CCDC42: variants seen among roughly 807,000 people sequenced by gnomAD.
CCDC42 encodes the protein coiled-coil domain-containing protein 42.
A neutral mutation model predicts 40.8 loss-of-function variants in CCDC42; 38 were observed. That is an observed-to-expected ratio of 0.93 (90% CI 0.72 to 1.22). CCDC42 has a LOEUF of 1.22. Among genes scored for constraint, CCDC42 ranks in the 50% most tolerant of loss-of-function variants. CCDC42 has a pLI of 0.00. For synonymous variants in CCDC42, 135 were observed against 157.5 expected, an observed-to-expected ratio of 0.86 and a Z score of 1.07; for missense variants, 379 against 416.5, an observed-to-expected ratio of 0.91 and a Z score of 0.78.
chr17:8,738,361 G>C (rs1044309312), intron 4 of CCDC42, among the ~76,000 whole-genome samples: 1 of 152,032 alleles, frequency 6.6e-6, no homozygotes, highest in South Asian at 2.1e-4. Context: ...ATGAGCAACA[G>C]GTGTTCAATA....
chr17:8,744,472 G>A (rs1433964845), intron 1 of CCDC42, 55 bp downstream of exon 1: 5 of 1,380,192 alleles, frequency 3.6e-6, no homozygotes, highest in Non-Finnish European at 4.1e-6. Context: ...GTATGGGGTG[G>A]GTGTGAGTGG....
chr17:8,730,402 C>T (rs752921943), intron 6 of CCDC42, among the ~76,000 whole-genome samples, 195 bp from the exon 7 acceptor site: 39 of 152,172 alleles, frequency 2.6e-4, no homozygotes, highest in Non-Finnish European at 3.4e-4. Context: ...TGCAGTGGCA[C>T]GATCTAGGCT....
At chr17:8,738,314 G>T (rs917911930) in intron 4 of CCDC42, among the ~76,000 whole-genome samples, 1 of 152,154 alleles carries the variant, frequency 6.6e-6, no homozygotes, top group Non-Finnish European at 1.5e-5. Flanking sequence ...AAGTGTGGGG[G>T]ATGTGACTAT....
intron 4 of CCDC42, among the ~76,000 whole-genome samples, chr17:8,737,183 G>A (rs890607693): frequency 4.6e-5 from 7 of 152,130 alleles, no homozygotes; most frequent in Middle Eastern, 3.2e-3. Context: ...GACAATTCAC[G>A]TGTGCATTTC....
rs1315164362 is a variant in CCDC42, at chr17:8,735,202, A to G, written c.767T>C (p.Leu256Pro). The G allele has an allele frequency of 3.1e-6, 5 of 1,614,056 alleles. No individual in the cohort carries two copies. The highest frequency in any genetic ancestry group is 4.2e-6 in the Non-Finnish European group (5 of 1,180,032). Residue 256 changes from leucine (L) to proline (P), a missense_variant, in exon 6 of 7, where the codon CTT (leucine) becomes CCT (proline). Physicochemically the swap from Leu to Pro is moderately conservative, Grantham distance 98 (BLOSUM62 -3). Coordinates refer to ENST00000293845, the MANE Select transcript of CCDC42 (RefSeq NM_144681.3). This position sits in a 1 kb window ranked among gnomAD's most constrained non-coding sequence, Gnocchi z 4.7. ...QNTAAKKTLLLGTIKMATLNL... is the reference protein window; with the variant it reads ...QNTAAKKTLLPGTIKMATLNL... ...CAGCGTGGCCATCTTAATGGTGCCA[A>G]GCAGGAGGGTCTTCTTGGCTGCGGT...
Position 8,744,172 on chromosome 17 carries a change from AT to A in CCDC42, c.95del (p.Asn32MetfsTer41). The A allele has an allele frequency of 6.2e-7, 1 of 1,612,744 alleles. No homozygotes were observed. The highest frequency in any genetic ancestry group is 8.5e-7 in the Non-Finnish European group (1 of 1,179,278). ...RLLQMLQKLP[N>X]VEGASESPSI... ...ATGGGGACTCCGACGCCCCCTCAAC[AT>A]TGGGGAGTTTCCTGTCCAAGATGTG... On this transcript the variant is annotated frameshift_variant, in exon 2 of 7. Transcript: ENST00000293845. LOFTEE classifies it high-confidence loss of function.
chr17:8,744,693 T>C lies in CCDC42; in HGVS notation c.-84A>G. 2 of 920,766 alleles carry C rather than the reference T, an allele frequency of 2.2e-6. No homozygotes were observed. The highest frequency in any genetic ancestry group is 2.1e-4 in the Middle Eastern group (1 of 4,776). The allele number at this position is 920,766 out of a possible 1,614,324, so 57.0% of individuals were successfully genotyped here. ...AGAGCCACAGGTGGCTCAGGGGTGG[T>C]GGCTGCACTCTTGTTTCTCCCTTCG... is the stretch of plus-strand genomic sequence containing the variant. On this transcript the variant is annotated 5_prime_UTR_variant, in exon 1 of 7. Coordinates refer to ENST00000293845, the MANE Select transcript of CCDC42 (RefSeq NM_144681.3).
At position 8,735,322 on chromosome 17, in the gene CCDC42, T is replaced by A. The variant is rs2086603587; in HGVS notation, c.714+68A>T. 1.2e-6 allele frequency: 2 copies of A among 1,611,190 alleles called. No homozygotes were observed. The highest frequency in any genetic ancestry group is 3.3e-5 in the Admixed American group (2 of 59,988). The stretch of plus-strand genomic sequence containing the variant: ...GTGTGTGTGTTTGTGTGTATGTGTG[T>A]GTGTGTATGCTCAGGGCCCGCACTC... On this transcript the variant is annotated intron_variant, in intron 5 of 6. Transcript: ENST00000293845. This position sits in a 1 kb window ranked among gnomAD's most constrained non-coding sequence, Gnocchi z 4.7.
Position 8,735,582 on chromosome 17 carries a change from G to C in CCDC42, c.522C>G (p.Arg174=), listed in dbSNP as rs772685088. 1 of 1,614,044 alleles carries C rather than the reference G, an allele frequency of 6.2e-7. No homozygotes were observed. The highest frequency in any genetic ancestry group is 2.2e-5 in the East Asian group (1 of 44,870). ...GGCGCATGCTCACCAGCGTCTTGTA[G>C]CGTGCAATCACCTCATGGATCTCCT... The part of the protein sequence containing the change: ...EFEEIHEVIA[R]YKTLVSMRHD... Residue 174 remains arginine (R), a synonymous_variant, in exon 5 of 7, where the codon CGC becomes CGG. Coordinates refer to ENST00000293845, the MANE Select transcript of CCDC42 (RefSeq NM_144681.3). The surrounding 1 kb of genome is among the most constrained non-coding windows in gnomAD (Gnocchi z 4.7).
intron 4 of CCDC42, among the ~76,000 whole-genome samples, chr17:8,737,802 A>G (rs1464782696): frequency 6.6e-6 from 1 of 152,220 alleles, no homozygotes; most frequent in Admixed American, 6.5e-5. Flanking sequence ...AACCAACTGT[A>G]CAAAAAGCAT....
rs1234324170 is a variant in CCDC42 at position 8,735,410 on chromosome 17, G to C, written c.694C>G (p.Arg232Gly). Reference sequence around the variant, plus strand: ...CTCACCCAGAAGATGACATTGCTGCGGGCACGGTCAAAGCGCATCTGCAGC... The same window carrying C: ...CTCACCCAGAAGATGACATTGCTGCCGGCACGGTCAAAGCGCATCTGCAGC... ...ARLQMRFDRA[R>G]SNVIFWESRW... Residue 232 changes from arginine to glycine, a missense_variant, in exon 5 of 7, where the codon CGC (arginine) becomes GGC (glycine). Arg to Gly is a moderately radical substitution (Grantham distance 125). Transcript: ENST00000293845. The surrounding 1 kb of genome is among the most constrained non-coding windows in gnomAD (Gnocchi z 4.7). 2 of 1,613,770 alleles carry C rather than the reference G, an allele frequency of 1.2e-6. No individual in the cohort carries two copies. Among genetic ancestry groups the C allele is most frequent in the Non-Finnish European group, 1.7e-6 (2 of 1,180,024 alleles).
At chr17:8,734,011 GT>G (rs34715664) in intron 6 of CCDC42, among the ~76,000 whole-genome samples, 50,357 of 151,964 alleles carry the variant, frequency 0.33, 9,453 homozygotes, top group Non-Finnish European at 0.44. Context: ...CCAGAGAGGA[GT>G]TTCCATGACA....
chr17:8,730,210 A>T lies in CCDC42; in HGVS notation c.874-3T>A. 6.2e-7 allele frequency: 1 copy of T among 1,613,210 alleles called. No individual in the cohort carries two copies. The highest frequency in any genetic ancestry group is 1.1e-5 in the South Asian group (1 of 91,012). ...CGGTCTTGGATAAATTGCTGGATCT[A>T]GAAAGGCAAGGAGCCCAGCGTTAAC... On this transcript the variant is annotated splice_region_variant and splice_polypyrimidine_tract_variant and intron_variant, in intron 6 of 6. Coordinates refer to ENST00000293845, the MANE Select transcript of CCDC42 (RefSeq NM_144681.3).
At chr17:8,739,015 T>A (rs1256847776) in intron 4 of CCDC42, among the ~76,000 whole-genome samples, 1 of 152,186 alleles carries the variant, frequency 6.6e-6, no homozygotes, top group East Asian at 1.9e-4. Flanking sequence ...ATACGAAGAT[T>A]TAGCAAAGCT....
chr17:8,736,020 G>A (rs2086610059), intron 4 of CCDC42, among the ~76,000 whole-genome samples: 1 of 152,150 alleles, frequency 6.6e-6, no homozygotes, highest in Admixed American at 6.5e-5. Context: ...GTTGATAATC[G>A]CTGATGGAAG....
intron 3 of CCDC42, among the ~76,000 whole-genome samples, chr17:8,743,034 C>A (rs752262500): frequency 6.6e-6 from 1 of 152,186 alleles, no homozygotes; most frequent in Admixed American, 6.5e-5. Context: ...TCTTTGTGGC[C>A]GACGGCAATC....
At chr17:8,732,776 G>C (rs1471043793) in intron 6 of CCDC42, among the ~76,000 whole-genome samples, 1 of 152,086 alleles carries the variant, frequency 6.6e-6, no homozygotes. Flanking sequence ...ATTCCCCCTA[G>C]GAAACAATAG....
intron 4 of CCDC42, 39 bp downstream of exon 4, chr17:8,741,435 G>A: frequency 6.3e-7 from 1 of 1,586,942 alleles, no homozygotes; most frequent in Non-Finnish European, 8.7e-7. Flanking sequence ...TGGGGCTGAG[G>A]AAGGTGCCAG....
At chr17:8,742,421 A>G (rs2086650969) in intron 3 of CCDC42, among the ~76,000 whole-genome samples, 1 of 152,138 alleles carries the variant, frequency 6.6e-6, no homozygotes, top group Non-Finnish European at 1.5e-5. Flanking sequence ...GAGGAGATGG[A>G]ACAGGCAGTT....
Sources: allele counts gnomAD v4.1 joint callset (sites outside exome capture counted in the v4.1 genomes callset), GRCh38; gene constraint gnomAD v4.1.1; non-coding constraint Gnocchi (gnomAD v3.1); transcripts MANE v1.5; gene names NCBI Gene and HGNC (gene_info 2026-07-23, HGNC 2026-07-21).